Variants in GRIA4 observed in about 807,000 individuals in gnomAD.
GRIA4 encodes glutamate ionotropic receptor AMPA type subunit 4.
Under a neutral mutation model 104.0 loss-of-function variants are expected in GRIA4, and 34 were observed. That is an observed-to-expected ratio of 0.33 (90% CI 0.25 to 0.44). The LOEUF (loss-of-function observed/expected upper bound fraction) is 0.44, where lower values mean the gene tolerates loss of function less well. Among genes scored for constraint, GRIA4 ranks in the 20% least tolerant of loss-of-function variants. The pLI is 1.00. For synonymous variants in GRIA4, 386 were observed against 381.9 expected (o/e 1.01, Z -0.13); for missense variants, 750 against 1,096.5 (o/e 0.68, Z 4.46).
chr11:105,612,250 T>A (rs749684779), intron 2 of GRIA4, 26 bp from the exon 3 acceptor site: 2 of 1,611,094 alleles, frequency 1.2e-6, no homozygotes, highest in Admixed American at 1.7e-5. Flanking sequence ...AAACAGTGAA[T>A]GTGCTTTTCC....
At chr11:105,669,617 C>T (rs1565450895) in intron 3 of GRIA4, among the ~76,000 whole-genome samples, 1 of 152,088 alleles carries the variant, frequency 6.6e-6, no homozygotes, top group Non-Finnish European at 1.5e-5. Flanking sequence ...CTCTATCACA[C>T]TTTGTGGTTT....
At chr11:105,691,555 C>A (rs751216862) in intron 3 of GRIA4, among the ~76,000 whole-genome samples, 14 of 152,014 alleles carry the variant, frequency 9.2e-5, no homozygotes, top group Non-Finnish European at 1.9e-4. Flanking sequence ...AATAAGATAA[C>A]AATAGTACTT....
intron 3 of GRIA4, among the ~76,000 whole-genome samples, chr11:105,702,926 CA>C (rs1953556681): frequency 6.6e-6 from 1 of 151,996 alleles, no homozygotes; most frequent in Non-Finnish European, 1.5e-5. Flanking sequence ...AACTCCTGAC[CA>C]CAAGTGATCT....
At chr11:105,876,154 C>A (rs1201001530) in intron 5 of GRIA4, among the ~76,000 whole-genome samples, 2 of 152,024 alleles carry the variant, frequency 1.3e-5, no homozygotes, top group African/African-American at 4.8e-5. Context: ...TTTATTTCTG[C>A]CTTAATTTTG....
intron 3 of GRIA4, among the ~76,000 whole-genome samples, chr11:105,675,810 A>G (rs1952517462): frequency 6.6e-6 from 1 of 151,832 alleles, no homozygotes; most frequent in Non-Finnish European, 1.5e-5. Context: ...CAAATATGGG[A>G]ATCTCTTAAA....
chr11:105,859,037 C>A (rs2136010991), intron 4 of GRIA4, among the ~76,000 whole-genome samples: 1 of 152,156 alleles, frequency 6.6e-6, no homozygotes, highest in East Asian at 1.9e-4. Flanking sequence ...CTAGGAGATG[C>A]AAATCATAGC....
intron 3 of GRIA4, among the ~76,000 whole-genome samples, chr11:105,683,837 C>T (rs148688929): frequency 3.0e-3 from 456 of 151,892 alleles, no homozygotes; most frequent in Middle Eastern, 6.8e-3. Flanking sequence ...GAATTAAATG[C>T]GTAAAGCAGA....
intron 4 of GRIA4, among the ~76,000 whole-genome samples, chr11:105,754,141 T>G (rs1203740648): frequency 6.6e-6 from 1 of 152,242 alleles, no homozygotes; most frequent in South Asian, 2.1e-4. Flanking sequence ...AGCTCCCATC[T>G]TGGAGCTATC....
intron 4 of GRIA4, among the ~76,000 whole-genome samples, chr11:105,806,172 T>C (rs1051337786): frequency 3.3e-5 from 5 of 151,890 alleles, no homozygotes; most frequent in African/African-American, 1.2e-4. Flanking sequence ...CACCATTTTC[T>C]CCAATATCCT....
At chr11:105,818,766 T>C (rs796366074) in intron 4 of GRIA4, among the ~76,000 whole-genome samples, 3 of 152,164 alleles carry the variant, frequency 2.0e-5, no homozygotes, top group African/African-American at 7.2e-5. Context: ...ACAGAAGGGC[T>C]TGAGCTAATA....
intron 5 of GRIA4, among the ~76,000 whole-genome samples, chr11:105,864,421 C>CA (rs1298498056): frequency 6.6e-6 from 1 of 152,032 alleles, no homozygotes; most frequent in African/African-American, 2.4e-5. Flanking sequence ...AAAACAATTT[C>CA]AAAAAACCAA....
intron 3 of GRIA4, among the ~76,000 whole-genome samples, chr11:105,619,044 T>C (rs1950672192): frequency 6.8e-6 from 1 of 147,934 alleles, no homozygotes; most frequent in Non-Finnish European, 1.5e-5. Flanking sequence ...GTTTTTCCTT[T>C]TCTTTTCAGA....
intron 4 of GRIA4, among the ~76,000 whole-genome samples, chr11:105,794,922 T>C (rs1427938999): frequency 6.6e-6 from 1 of 152,104 alleles, no homozygotes; most frequent in African/African-American, 2.4e-5. Flanking sequence ...GATAATTACA[T>C]ACCACATTCA....
chr11:105,629,900 C>T (rs1216771488), intron 3 of GRIA4, among the ~76,000 whole-genome samples: 1 of 152,164 alleles, frequency 6.6e-6, no homozygotes, highest in Non-Finnish European at 1.5e-5. Flanking sequence ...ATCATCATTA[C>T]ATTTGCTTAC....
intron 3 of GRIA4, among the ~76,000 whole-genome samples, chr11:105,737,706 G>A (rs1469971484): frequency 4.6e-5 from 7 of 152,008 alleles, no homozygotes; most frequent in Admixed American, 4.6e-4. Flanking sequence ...AAGGTATAAT[G>A]GTCAAAATCC....
chr11:105,883,679 A>G (rs1591393033), intron 5 of GRIA4, among the ~76,000 whole-genome samples: 1 of 152,078 alleles, frequency 6.6e-6, no homozygotes, highest in Non-Finnish European at 1.5e-5. Flanking sequence ...TCTATCATTG[A>G]TGGACATTTG....
intron 3 of GRIA4, among the ~76,000 whole-genome samples, chr11:105,631,188 C>T (rs553730749): frequency 1.3e-5 from 2 of 152,040 alleles, no homozygotes; most frequent in African/African-American, 2.4e-5. Flanking sequence ...TGAAGACCAC[C>T]GAAAATCTCA....
intron 4 of GRIA4, among the ~76,000 whole-genome samples, chr11:105,807,867 A>G (rs1207914514): frequency 6.6e-6 from 1 of 151,654 alleles, no homozygotes; most frequent in African/African-American, 2.4e-5. Flanking sequence ...TACTTCCTTC[A>G]TGTTCTGAAT....
rs190402186 is a variant in GRIA4, at chr11:105,817,575, A to T, written c.488-44449A>T. Among the ~76,000 whole-genome samples the T allele has an allele frequency of 7.2e-5, 11 of 152,022 alleles. No homozygotes were observed. The East Asian group carries it at 2.1e-3, about 29-fold the overall frequency. On this transcript the variant is annotated intron_variant, in intron 4 of 16. Coordinates refer to ENST00000282499, the MANE Select transcript of GRIA4 (RefSeq NM_000829.4). ...TTCCAAACATTGTCATGTAAAGAGG[A>T]CACTTTAAATTTTCATTAAATCTCA...
Sources: gnomAD v4.1 joint callset for allele counts (sites outside exome capture counted in the v4.1 genomes callset) on GRCh38, gnomAD v4.1.1 for gene constraint, MANE v1.5 for transcripts, NCBI Gene and HGNC (gene_info 2026-07-23, HGNC 2026-07-21) for gene names.